Variants in NRXN3 observed in about 807,000 individuals in gnomAD.
NRXN3 encodes the protein neurexin 3.
Under a neutral mutation model 137.6 loss-of-function variants are expected in NRXN3, and 32 were observed. That is an observed-to-expected ratio of 0.23 (90% CI 0.18 to 0.31). NRXN3 has a LOEUF of 0.31. NRXN3 is among the 10% of genes least tolerant of loss of function. NRXN3 has a pLI of 1.00. For synonymous variants in NRXN3, 798 were observed against 784.5 expected, an observed-to-expected ratio of 1.02 and a Z score of -0.29; for missense variants, 1,574 against 2,062.5, an observed-to-expected ratio of 0.76 and a Z score of 4.59.
intron 15 of NRXN3, among the ~76,000 whole-genome samples, chr14:79,104,144 C>A (rs1477543862): frequency 6.6e-6 from 1 of 152,192 alleles, no homozygotes; most frequent in Non-Finnish European, 1.5e-5. Context: ...ACAAGTTTCC[C>A]TGTTCCTTCT....
intron 8 of NRXN3, among the ~76,000 whole-genome samples, chr14:78,780,706 T>A (rs76206693): frequency 6.6e-6 from 1 of 152,144 alleles, no homozygotes. Flanking sequence ...CATAAAAGCA[T>A]GTATAGCCAC....
rs2095345549 is a variant in NRXN3 at position 79,407,951 on chromosome 14, A to G, written c.3263-59270A>G. On this transcript the variant is annotated intron_variant, in intron 15 of 20. Coordinates refer to ENST00000335750, the MANE Select transcript of NRXN3 (RefSeq NM_001330195.2). ...CCTATCATGGATTGGAGGGAAGTTGAATATTGGTTCATATCTTGTTTTAGG... is the reference window on the plus strand; with the variant it reads ...CCTATCATGGATTGGAGGGAAGTTGGATATTGGTTCATATCTTGTTTTAGG... Among the ~76,000 whole-genome samples, 3 of 152,154 alleles carry G rather than the reference A, an allele frequency of 2.0e-5. No individual in the cohort carries two copies. In the South Asian group the frequency reaches 6.2e-4, roughly 32 times the overall value.
At position 79,177,646 on chromosome 14, in the gene NRXN3, A is replaced by T. The variant is rs574868034; in HGVS notation, c.3262+189505A>T. The stretch of plus-strand genomic sequence containing the variant: ...CAAATTGTCTCAATGGGGAAAAGAA[A>T]CTCTTACAGGTGTCTTTCCCTCTGA... On this transcript the variant is annotated intron_variant, in intron 15 of 20. Transcript: ENST00000335750. 6.6e-5 allele frequency among the ~76,000 whole-genome samples: 10 copies of T among 152,260 alleles called. No homozygotes were observed. The South Asian group carries it at 2.1e-3, about 32-fold the overall frequency.
chr14:79,431,028 G>A (rs766610221), intron 15 of NRXN3, among the ~76,000 whole-genome samples: 2 of 152,104 alleles, frequency 1.3e-5, no homozygotes, highest in African/African-American at 2.4e-5. Context: ...CTCTCACTGA[G>A]TACTATACAT....
intron 1 of NRXN3, among the ~76,000 whole-genome samples, chr14:78,205,693 G>T (rs1469566048): frequency 6.6e-6 from 1 of 152,194 alleles, no homozygotes; most frequent in Non-Finnish European, 1.5e-5. Context: ...TGAGAGGGAT[G>T]CATCTAAAGA....
intron 15 of NRXN3, among the ~76,000 whole-genome samples, chr14:79,327,870 T>C (rs981772315): frequency 2.0e-5 from 3 of 152,226 alleles, no homozygotes; most frequent in African/African-American, 4.8e-5. Context: ...CGTTCTTTGA[T>C]GTACAGATAA....
chr14:78,209,500 G>A (rs572965199), intron 1 of NRXN3, among the ~76,000 whole-genome samples: 41 of 152,130 alleles, frequency 2.7e-4, no homozygotes, highest in Non-Finnish European at 5.0e-4. Context: ...CTTACAGTTC[G>A]GCATGGCTGG....
At chr14:78,606,793 T>A (rs2097256809) in intron 4 of NRXN3, among the ~76,000 whole-genome samples, 3 of 152,190 alleles carry the variant, frequency 2.0e-5, no homozygotes, top group Non-Finnish European at 4.4e-5. Context: ...ATATACTCTC[T>A]GTTGCAAAGC....
At chr14:79,651,784 G>T (rs1317658210) in intron 16 of NRXN3, among the ~76,000 whole-genome samples, 1 of 152,146 alleles carries the variant, frequency 6.6e-6, no homozygotes, top group Non-Finnish European at 1.5e-5. Flanking sequence ...GCCTCATTGA[G>T]CTTTGGGCTA....
At chr14:78,257,331 T>C (rs1359808082) in intron 2 of NRXN3, among the ~76,000 whole-genome samples, 2 of 152,246 alleles carry the variant, frequency 1.3e-5, no homozygotes, top group Non-Finnish European at 2.9e-5. Flanking sequence ...ATATCTGTAA[T>C]GTACCAGTGT....
At chr14:78,274,390 C>T (rs6574431) in intron 2 of NRXN3, among the ~76,000 whole-genome samples, 36,157 of 152,032 alleles carry the variant, frequency 0.24, 4,829 homozygotes, top group Non-Finnish European at 0.3. Context: ...GGGGAAAAGC[C>T]CCTTATAAAA....
At chr14:78,905,674 G>C (rs1052274377) in intron 10 of NRXN3, among the ~76,000 whole-genome samples, 2 of 151,788 alleles carry the variant, frequency 1.3e-5, no homozygotes, top group Admixed American at 1.3e-4. Context: ...GTTTGATCTT[G>C]GTAAGGTAAA....
intron 15 of NRXN3, among the ~76,000 whole-genome samples, chr14:79,324,996 T>G (rs550759560): frequency 2.0e-5 from 3 of 152,210 alleles, no homozygotes; most frequent in Non-Finnish European, 2.9e-5. Context: ...ATCAGTGCAG[T>G]GTGAATCCTG....
At chr14:79,646,171 A>G (rs1170909997) in intron 16 of NRXN3, among the ~76,000 whole-genome samples, 3 of 135,586 alleles carry the variant, frequency 2.2e-5, no homozygotes, top group African/African-American at 7.4e-5. Flanking sequence ...GTTTCATTAG[A>G]GGCAGTGGTA....
intron 4 of NRXN3, chr14:78,615,047 C>T (rs1406072698): frequency 1.8e-5 from 8 of 456,468 alleles, no homozygotes; most frequent in East Asian, 6.9e-5. Flanking sequence ...GGATGCTCCT[C>T]GTATTTCCAT....
intron 1 of NRXN3, among the ~76,000 whole-genome samples, chr14:78,209,398 T>C (rs2062526185): frequency 6.6e-6 from 1 of 152,222 alleles, no homozygotes; most frequent in Non-Finnish European, 1.5e-5. Flanking sequence ...TCCATCTTCC[T>C]ATCTGCTCAT....
At chr14:79,818,509 T>C (rs985991285) in intron 20 of NRXN3, among the ~76,000 whole-genome samples, 1 of 152,156 alleles carries the variant, frequency 6.6e-6, no homozygotes, top group Non-Finnish European at 1.5e-5. Context: ...CAGAAATAAA[T>C]ATGTTCCTTA....
At chr14:79,001,978 A>G (rs2099542271) in intron 15 of NRXN3, among the ~76,000 whole-genome samples, 1 of 152,226 alleles carries the variant, frequency 6.6e-6, no homozygotes, top group South Asian at 2.1e-4. Context: ...CAATAAATAA[A>G]GCAAGTAGGA....
intron 8 of NRXN3, among the ~76,000 whole-genome samples, chr14:78,753,013 G>A (rs546769427): frequency 6.6e-6 from 1 of 152,232 alleles, no homozygotes; most frequent in South Asian, 2.1e-4. Context: ...CTGCTTCCCT[G>A]GTGACAGCAT....
Sources: gnomAD v4.1 joint callset for allele counts (sites outside exome capture counted in the v4.1 genomes callset) on GRCh38, gnomAD v4.1.1 for gene constraint, MANE v1.5 for transcripts, NCBI Gene and HGNC (gene_info 2026-07-23, HGNC 2026-07-21) for gene names.